SLC4A4: variants seen among roughly 807,000 people sequenced by gnomAD.
The protein encoded by SLC4A4 is solute carrier family 4 member 4.
A neutral mutation model predicts 111.5 loss-of-function variants in SLC4A4; 27 were observed. The ratio of observed to expected loss-of-function variants is 0.24; its 90% CI spans 0.18 to 0.33. The LOEUF (loss-of-function observed/expected upper bound fraction) is 0.33, where lower values mean the gene tolerates loss of function less well. SLC4A4 is among the 10% of genes least tolerant of loss of function. SLC4A4 has a pLI of 1.00. For missense variants in SLC4A4, 909 were observed against 1,315.5 expected, an observed-to-expected ratio of 0.69 and a Z score of 4.78; for synonymous variants, 443 against 463.4, an observed-to-expected ratio of 0.96 and a Z score of 0.57.
intron 6 of SLC4A4, among the ~76,000 whole-genome samples, chr4:71,366,058 C>A (rs1469004719): frequency 6.6e-6 from 1 of 152,160 alleles, no homozygotes; most frequent in Non-Finnish European, 1.5e-5. Flanking sequence ...CCAAACATGG[C>A]AGACAGATGA....
intron 1 of SLC4A4, among the ~76,000 whole-genome samples, chr4:71,191,899 C>T (rs577043444): frequency 8.5e-5 from 13 of 152,058 alleles, no homozygotes; most frequent in South Asian, 2.1e-4. Flanking sequence ...GAATTTAACT[C>T]GAATTTCTGT....
rs1727379711 is a variant in SLC4A4 at position 71,466,927 on chromosome 4, CG to C, written c.1631+353del. Among the ~76,000 whole-genome samples the C allele has an allele frequency of 6.7e-5, 5 of 74,746 alleles. No homozygotes were observed. In the South Asian group the frequency reaches 2.3e-3, roughly 34 times the overall value. 49.0% of individuals were successfully genotyped at this position (74,746 alleles called of 152,430 possible). A position where few individuals can be genotyped will look rare whatever the true frequency, so the allele number is the denominator to read the frequency against. ...TGGCTAATGGGGAGTACCAACAAGA[CG>C]GGAAGAGAGAGAGAGAGAGAGAGAG... On this transcript the variant is annotated intron_variant, in intron 13 of 25. Coordinates refer to ENST00000264485, the MANE Select transcript of SLC4A4 (RefSeq NM_001098484.3).
intron 22 of SLC4A4, 99 bp downstream of exon 22, chr4:71,557,984 A>G (rs1362625881): frequency 1.8e-6 from 2 of 1,095,328 alleles, no homozygotes; most frequent in Admixed American, 1.9e-5. Flanking sequence ...TGTTGTTCCA[A>G]ATTTTTCCAG....
At chr4:71,456,311 C>T (rs1184037285) in intron 12 of SLC4A4, among the ~76,000 whole-genome samples, 1 of 151,918 alleles carries the variant, frequency 6.6e-6, no homozygotes, top group Non-Finnish European at 1.5e-5. Context: ...CTAGAAATTA[C>T]AGTAAGTGGC....
intron 1 of SLC4A4, among the ~76,000 whole-genome samples, chr4:71,223,297 TC>T (rs1270429167): frequency 6.6e-6 from 1 of 151,842 alleles, no homozygotes; most frequent in African/African-American, 2.4e-5. Flanking sequence ...TGCCTCAGCC[TC>T]CCGGGTAGCT....
At chr4:71,242,777 G>T (rs919778296) in intron 2 of SLC4A4, among the ~76,000 whole-genome samples, 1 of 150,034 alleles carries the variant, frequency 6.7e-6, no homozygotes, top group African/African-American at 2.4e-5. Flanking sequence ...AATTTTCTTT[G>T]GTTATTATAA....
At chr4:71,250,374 G>T (rs923131889) in intron 2 of SLC4A4, among the ~76,000 whole-genome samples, 1 of 152,164 alleles carries the variant, frequency 6.6e-6, no homozygotes, top group Non-Finnish European at 1.5e-5. Context: ...TCAGCTGAAA[G>T]AGTAAGAGTG....
At chr4:71,492,672 C>T (rs1025870651) in intron 15 of SLC4A4, among the ~76,000 whole-genome samples, 2 of 151,958 alleles carry the variant, frequency 1.3e-5, no homozygotes, top group Non-Finnish European at 2.9e-5. Flanking sequence ...CTCTCTAATA[C>T]TTTACTTCTT....
At chr4:71,081,710 C>G (rs1741998894) in intron 1 of SLC4A4, among the ~76,000 whole-genome samples, 1 of 152,128 alleles carries the variant, frequency 6.6e-6, no homozygotes, top group African/African-American at 2.4e-5. Context: ...AGTTGGAACT[C>G]TGATGTTGCA....
chr4:71,339,849 GAT>G (rs1235224660), intron 4 of SLC4A4, among the ~76,000 whole-genome samples: 1 of 152,078 alleles, frequency 6.6e-6, no homozygotes, highest in East Asian at 1.9e-4. Flanking sequence ...ACAGCCAAGA[GAT>G]ATGTTTCCAC....
At chr4:71,307,749 C>G (rs1725807583) in intron 3 of SLC4A4, among the ~76,000 whole-genome samples, 1 of 152,164 alleles carries the variant, frequency 6.6e-6, no homozygotes, top group African/African-American at 2.4e-5. Context: ...GTTGAGTACA[C>G]CTTTGAAACA....
At chr4:71,505,259 T>C (rs1046740005) in intron 16 of SLC4A4, among the ~76,000 whole-genome samples, 1 of 152,034 alleles carries the variant, frequency 6.6e-6, no homozygotes, top group Admixed American at 6.6e-5. Flanking sequence ...AATGGATATA[T>C]AAAACTTTAT....
intron 14 of SLC4A4, among the ~76,000 whole-genome samples, chr4:71,478,074 A>G (rs1240970051): frequency 6.6e-6 from 1 of 152,014 alleles, no homozygotes; most frequent in Non-Finnish European, 1.5e-5. Context: ...ATACCATTTC[A>G]GGCCAGTTAG....
chr4:71,463,363 A>G (rs1727015503), intron 12 of SLC4A4, among the ~76,000 whole-genome samples: 1 of 152,210 alleles, frequency 6.6e-6, no homozygotes, highest in African/African-American at 2.4e-5. Flanking sequence ...CACCTTATAA[A>G]TTGCTTTAAA....
intron 14 of SLC4A4, among the ~76,000 whole-genome samples, chr4:71,478,552 T>G (rs1333134242): frequency 2.1e-5 from 3 of 144,296 alleles, no homozygotes; most frequent in African/African-American, 7.8e-5. Flanking sequence ...AGTGGGAATT[T>G]AACAATGAGA....
chr4:71,351,691 C>T (rs1166924138), intron 5 of SLC4A4, among the ~76,000 whole-genome samples: 6 of 152,108 alleles, frequency 3.9e-5, no homozygotes, highest in Admixed American at 3.3e-4. Context: ...CCCACTCCTG[C>T]CTCTACTAAA....
chr4:71,556,684 A>C (rs1736500804), intron 21 of SLC4A4, among the ~76,000 whole-genome samples: 2 of 151,864 alleles, frequency 1.3e-5, no homozygotes, highest in African/African-American at 4.8e-5. Context: ...TCATTTAGAA[A>C]ATTTTGTAAT....
intron 6 of SLC4A4, among the ~76,000 whole-genome samples, chr4:71,395,976 T>C (rs1462074134): frequency 6.6e-6 from 1 of 152,218 alleles, no homozygotes; most frequent in African/African-American, 2.4e-5. Flanking sequence ...GTTTTGTTTT[T>C]AAATGTCAAG....
rs1165752589 is a variant in SLC4A4, at chr4:71,569,963, A to T, written c.*2212A>T. On this transcript the variant is annotated 3_prime_UTR_variant, in exon 26 of 26. Transcript: ENST00000264485. ...ATTTGTATTTAGGGCTATCCTTAAA[A>T]TGATGAGTCTATATTATCTAGCTTT... 6.6e-6 allele frequency: 1 copy of T among 151,782 alleles called. No individual in the cohort carries two copies. The allele number at this position is 151,782 out of a possible 1,614,324, so 9.4% of individuals were successfully genotyped here.
Sources: gnomAD v4.1 joint callset for allele counts (sites outside exome capture counted in the v4.1 genomes callset) on GRCh38, gnomAD v4.1.1 for gene constraint, MANE v1.5 for transcripts, NCBI Gene and HGNC (gene_info 2026-07-23, HGNC 2026-07-21) for gene names.